DMD: variants seen among roughly 807,000 people sequenced by gnomAD.
DMD encodes the protein dystrophin, also known as mutant dystrophin.
Under a neutral mutation model 330.1 loss-of-function variants are expected in DMD, and 63 were observed. The ratio of observed to expected loss-of-function variants is 0.19; its 90% CI spans 0.16 to 0.24. DMD has a LOEUF of 0.24. Ranked by LOEUF, DMD falls within the 10% of genes least tolerant of loss-of-function variation. The pLI is 1.00. For synonymous variants in DMD, 1,223 were observed against 959.8 expected (o/e 1.27, Z -5.07); for missense variants, 3,344 against 2,684.1 (o/e 1.25, Z -5.43).
At chrX:32,441,408 A>T in intron 27 of DMD, 94 bp from the exon 28 acceptor site, 1 of 909,234 alleles carries the variant, frequency 1.1e-6, no homozygotes, top group Non-Finnish European at 1.6e-6. Flanking sequence ...TGAAAATATA[A>T]CACTTTGTAT....
chrX:32,536,660 G>A (rs1007614627), intron 17 of DMD, among the ~76,000 whole-genome samples: 1 of 112,093 alleles, frequency 8.9e-6, no homozygotes, highest in Non-Finnish European at 1.9e-5. Context: ...CTTGACAAAG[G>A]AAGGAGTACA....
chrX:31,787,231 C>T (rs1042423276), intron 50 of DMD, among the ~76,000 whole-genome samples: 30 of 110,644 alleles, frequency 2.7e-4, no homozygotes, highest in African/African-American at 7.2e-4. Context: ...ATTAGCCAGG[C>T]GTGGTGGTGC....
chrX:31,522,866 G>C (rs1485767470), intron 55 of DMD, among the ~76,000 whole-genome samples: 1 of 111,765 alleles, frequency 8.9e-6, no homozygotes, highest in Non-Finnish European at 1.9e-5. Flanking sequence ...GCCTGAAATA[G>C]GGGCGGTAAA....
intron 1 of DMD, among the ~76,000 whole-genome samples, chrX:33,175,137 T>C (rs2049580067): frequency 8.9e-6 from 1 of 112,056 alleles, no homozygotes; most frequent in African/African-American, 3.2e-5. Flanking sequence ...GGATTCCCTC[T>C]TGGGTTATCA....
intron 16 of DMD, among the ~76,000 whole-genome samples, chrX:32,560,374 G>A (rs1431924667): frequency 9.0e-6 from 1 of 110,918 alleles, no homozygotes; most frequent in Non-Finnish European, 1.9e-5. Context: ...GTCAAATGAG[G>A]AAAGTAATGC....
At chrX:32,091,288 A>G (rs773659909) in intron 44 of DMD, among the ~76,000 whole-genome samples, 1 of 112,262 alleles carries the variant, frequency 8.9e-6, no homozygotes, top group Admixed American at 9.5e-5. Context: ...AAGAAACACC[A>G]GAGAATTCTT....
intron 2 of DMD, among the ~76,000 whole-genome samples, chrX:32,887,752 A>C (rs2081795142): frequency 3.3e-5 from 3 of 91,506 alleles, no homozygotes; most frequent in African/African-American, 1.3e-4. Context: ...TCTCAAAAAA[A>C]AAAAAAAAAA....
At chrX:32,177,713 T>C (rs960007235) in intron 44 of DMD, among the ~76,000 whole-genome samples, 10 of 111,411 alleles carry the variant, frequency 9.0e-5, no homozygotes, top group Non-Finnish European at 1.9e-4. Context: ...TGGGATTATG[T>C]CTGTCATGTT....
At chrX:31,220,725 A>C (rs1345634560) in intron 64 of DMD, among the ~76,000 whole-genome samples, 2 of 110,310 alleles carry the variant, frequency 1.8e-5, no homozygotes, top group Non-Finnish European at 3.8e-5. Context: ...GTCTAACCTT[A>C]CCAGACAAGT....
intron 55 of DMD, among the ~76,000 whole-genome samples, chrX:31,514,814 A>G (rs1304795421): frequency 8.9e-6 from 1 of 111,828 alleles, no homozygotes; most frequent in African/African-American, 3.3e-5. Flanking sequence ...GGAACAAAAG[A>G]AAATATTCCA....
chrX:32,924,258 T>TG (rs1315759617), intron 2 of DMD, among the ~76,000 whole-genome samples: 1 of 112,044 alleles, frequency 8.9e-6, no homozygotes, highest in Non-Finnish European at 1.9e-5. Context: ...CCAGGCATGA[T>TG]GGATCACACT....
At chrX:32,566,656 G>C (rs2051749836) in intron 15 of DMD, among the ~76,000 whole-genome samples, 1 of 111,966 alleles carries the variant, frequency 8.9e-6, no homozygotes, top group African/African-American at 3.2e-5. Flanking sequence ...TATTTCCAAA[G>C]TTCCTGTGAG....
At chrX:31,773,285 T>C (rs2090449007) in intron 51 of DMD, among the ~76,000 whole-genome samples, 1 of 112,057 alleles carries the variant, frequency 8.9e-6, no homozygotes. Flanking sequence ...GTAAACCATA[T>C]TTACATCAAT....
At position 31,127,942 on chromosome X, in the gene DMD, T is replaced by C. The variant is rs1242386777; in HGVS notation, c.11015-1269A>G. 3.6e-5 allele frequency among the ~76,000 whole-genome samples: 4 copies of C among 111,131 alleles called. No homozygotes were observed. The Admixed American group carries it at 3.8e-4, about 11-fold the overall frequency. ...GCGATTTCTTAGGAGTATCAGATTT[T>C]CAGCTTGACCACGTAAGGGCCAGGT... On this transcript the variant is annotated intron_variant, in intron 77 of 78. Transcript: ENST00000357033.
chrX:31,914,355 C>T (rs1408047428), intron 47 of DMD, among the ~76,000 whole-genome samples: 1 of 111,834 alleles, frequency 8.9e-6, no homozygotes, highest in Non-Finnish European at 1.9e-5. Context: ...TAGAGCTTCC[C>T]TATGATCCAG....
At chrX:31,727,891 G>T (rs113044776) in intron 52 of DMD, among the ~76,000 whole-genome samples, 8,936 of 112,162 alleles carry the variant, frequency 0.08, 382 homozygotes, top group Non-Finnish European at 0.12. Flanking sequence ...TCAGACAAAA[G>T]AAGTATTTAG....
intron 56 of DMD, among the ~76,000 whole-genome samples, chrX:31,505,589 A>T (rs1421073442): frequency 9.0e-6 from 1 of 110,902 alleles, no homozygotes; most frequent in Non-Finnish European, 1.9e-5. Flanking sequence ...GGTGGTTAAA[A>T]GTTCAGACTC....
intron 4 of DMD, among the ~76,000 whole-genome samples, chrX:32,828,734 G>A (rs944214309): frequency 1.3e-4 from 14 of 109,983 alleles, no homozygotes; most frequent in African/African-American, 4.6e-4. Context: ...AAACAATTTA[G>A]AATTACATAT....
intron 44 of DMD, among the ~76,000 whole-genome samples, chrX:32,134,554 G>A (rs910416648): frequency 1.8e-5 from 2 of 110,878 alleles, no homozygotes; most frequent in African/African-American, 3.3e-5. Context: ...GGAGACATCC[G>A]TGAAGATGCT....
Sources: allele counts gnomAD v4.1 joint callset (sites outside exome capture counted in the v4.1 genomes callset), GRCh38; gene constraint gnomAD v4.1.1; transcripts MANE v1.5; gene names NCBI Gene and HGNC (gene_info 2026-07-23, HGNC 2026-07-21).